The following CAMK4 variants were observed in gnomAD, a reference collection of about 807,000 sequenced individuals.
CAMK4 encodes calcium/calmodulin-dependent protein kinase type IV.
A neutral mutation model predicts 44.9 loss-of-function variants in CAMK4; 22 were observed. The observed-to-expected ratio is 0.49, with a 90% CI of 0.35 to 0.70. The LOEUF is 0.70. CAMK4 is among the 30% of genes least tolerant of loss of function. The probability of loss-of-function intolerance (pLI) is 0.01; values close to 1 mark genes in which losing one functional copy is unlikely to be tolerated. For synonymous variants in CAMK4, 218 were observed against 215.4 expected, an observed-to-expected ratio of 1.01 and a Z score of -0.11; for missense variants, 498 against 586.8, an observed-to-expected ratio of 0.85 and a Z score of 1.56.
intron 5 of CAMK4, among the ~76,000 whole-genome samples, chr5:111,407,270 G>C (rs1405977737): frequency 2.0e-5 from 3 of 151,512 alleles, no homozygotes; most frequent in Non-Finnish European, 4.4e-5. Flanking sequence ...AGAATCGCTT[G>C]AACCTGGGAG....
rs547035520 is a variant in CAMK4, at chr5:111,341,577, T to TA, written c.162-2446dup. Among the ~76,000 whole-genome samples, 38 of 151,314 alleles carry TA rather than the reference T, an allele frequency of 2.5e-4. No individual in the cohort carries two copies. In the East Asian group the frequency reaches 6.6e-3, roughly 26 times the overall value. The stretch of plus-strand genomic sequence containing the variant: ...AGTAAATATAAAAATAAAATTACAC[T>TA]AGGAATACACCAAGAATTACATGAA... On this transcript the variant is annotated intron_variant, in intron 1 of 10. Coordinates refer to ENST00000282356, the MANE Select transcript of CAMK4 (RefSeq NM_001744.6).
intron 7 of CAMK4, among the ~76,000 whole-genome samples, chr5:111,468,684 A>C (rs1002014433): frequency 6.6e-6 from 1 of 152,156 alleles, no homozygotes; most frequent in Non-Finnish European, 1.5e-5. Flanking sequence ...ATTAACTAGT[A>C]ATTTAAAATA....
intron 5 of CAMK4, among the ~76,000 whole-genome samples, chr5:111,431,312 A>G (rs1753433070): frequency 6.6e-6 from 1 of 152,200 alleles, no homozygotes; most frequent in Non-Finnish European, 1.5e-5. Flanking sequence ...ATCCATATGC[A>G]AAAGAATGAA....
chr5:111,471,207 C>T (rs185417917), intron 7 of CAMK4, among the ~76,000 whole-genome samples: 2 of 151,906 alleles, frequency 1.3e-5, no homozygotes, highest in East Asian at 1.9e-4. Flanking sequence ...TGTCACCCAT[C>T]GAGTGAAAAC....
At chr5:111,474,337 CAG>C (rs1561510232) in intron 8 of CAMK4, among the ~76,000 whole-genome samples, 3 of 152,148 alleles carry the variant, frequency 2.0e-5, no homozygotes, top group African/African-American at 7.2e-5. Flanking sequence ...AGTCCAAGAC[CAG>C]AGTGTCAGCA....
At chr5:111,448,825 CAAGA>C (rs1267258955) in intron 6 of CAMK4, among the ~76,000 whole-genome samples, 1 of 151,924 alleles carries the variant, frequency 6.6e-6, no homozygotes, top group Non-Finnish European at 1.5e-5. Flanking sequence ...CAAACAAAAA[CAAGA>C]AAGAAAGAAA....
At chr5:111,401,897 C>T (rs1408071176) in intron 5 of CAMK4, among the ~76,000 whole-genome samples, 1 of 152,134 alleles carries the variant, frequency 6.6e-6, no homozygotes, top group Admixed American at 6.5e-5. Context: ...GTGGCTCGGA[C>T]CTCAGAGGAA....
intron 1 of CAMK4, among the ~76,000 whole-genome samples, chr5:111,301,850 T>A (rs1364993702): frequency 6.6e-6 from 1 of 152,246 alleles, no homozygotes; most frequent in African/African-American, 2.4e-5. Flanking sequence ...TTTTGCATAC[T>A]TACTCTTCGG....
intron 1 of CAMK4, among the ~76,000 whole-genome samples, chr5:111,296,855 A>G (rs1580545714): frequency 1.3e-5 from 2 of 152,346 alleles, no homozygotes; most frequent in East Asian, 1.9e-4. Context: ...ATAATACCCA[A>G]TTGATTATGG....
intron 1 of CAMK4, among the ~76,000 whole-genome samples, chr5:111,259,600 C>A (rs770600686): frequency 1.3e-5 from 2 of 152,144 alleles, no homozygotes; most frequent in Non-Finnish European, 2.9e-5. Flanking sequence ...CAGGCAATAA[C>A]GGTGACCCCA....
intron 1 of CAMK4, among the ~76,000 whole-genome samples, chr5:111,318,729 A>G (rs769833372): frequency 6.6e-5 from 10 of 152,182 alleles, no homozygotes; most frequent in Non-Finnish European, 1.5e-4. Context: ...TAAAGACAGA[A>G]TTGGCTATGA....
chr5:111,419,129 G>A (rs541903005), intron 5 of CAMK4, among the ~76,000 whole-genome samples: 256 of 152,160 alleles, frequency 1.7e-3, no homozygotes, highest in African/African-American at 2.3e-3. Flanking sequence ...TTTAATGATC[G>A]CCATTCTAAC....
intron 1 of CAMK4, among the ~76,000 whole-genome samples, chr5:111,252,047 C>T (rs189610779): frequency 2.6e-5 from 4 of 152,186 alleles, no homozygotes; most frequent in African/African-American, 9.7e-5. Context: ...GTTAGCATAA[C>T]AGAAAGCATC....
In CAMK4 at chr5:111,332,201, G is replaced by A. The variant is rs186347120; in HGVS notation, c.162-11823G>A. ...CCCATTAACTCGTCATTTAGCATTA[G>A]GTATATCTCCTAATGCTATCCCTCC... On this transcript the variant is annotated intron_variant, in intron 1 of 10. Coordinates refer to ENST00000282356, the MANE Select transcript of CAMK4 (RefSeq NM_001744.6). 8.3e-4 allele frequency among the ~76,000 whole-genome samples: 125 copies of A among 149,838 alleles called. 3 individuals are homozygous for A. The East Asian group carries it at 0.023, about 27-fold the overall frequency.
chr5:111,279,726 G>T (rs1454106060), intron 1 of CAMK4, among the ~76,000 whole-genome samples: 1 of 152,180 alleles, frequency 6.6e-6, no homozygotes, highest in African/African-American at 2.4e-5. Flanking sequence ...GTGTGTGTAT[G>T]TGTGTATGTG....
intron 1 of CAMK4, among the ~76,000 whole-genome samples, chr5:111,318,942 A>G (rs1748546596): frequency 6.6e-6 from 1 of 152,182 alleles, no homozygotes; most frequent in African/African-American, 2.4e-5. Context: ...TTATAACAAT[A>G]TTCTTCTCTC....
chr5:111,453,951 A>G (rs1754324895), intron 7 of CAMK4, among the ~76,000 whole-genome samples: 1 of 151,888 alleles, frequency 6.6e-6, no homozygotes, highest in Non-Finnish European at 1.5e-5. Flanking sequence ...TGGATGAGGT[A>G]TGGCACTGGA....
intron 7 of CAMK4, among the ~76,000 whole-genome samples, chr5:111,467,297 A>G (rs1247804197): frequency 6.6e-6 from 1 of 151,524 alleles, no homozygotes; most frequent in Non-Finnish European, 1.5e-5. Flanking sequence ...ATGACCAAGA[A>G]CCCAAAAGCA....
In CAMK4 at chr5:111,486,542, C is replaced by CACACACACACACACATAT. The variant is rs139004418; in HGVS notation, c.*2076_*2077insACACACACACACACATAT. ...ACACACACACACACACACACACACA[C>CACACACACACACACATAT]GTGTTGGAAGAGCAAAGAGAGGGAA... On this transcript the variant is annotated 3_prime_UTR_variant, in exon 11 of 11. Coordinates refer to ENST00000282356, the MANE Select transcript of CAMK4 (RefSeq NM_001744.6). 9.3e-4 allele frequency: 137 copies of CACACACACACACACATAT among 147,350 alleles called. No individual in the cohort carries two copies. Among genetic ancestry groups the CACACACACACACACATAT allele is most frequent in the African/African-American group, 3.2e-3 (127 of 39,876 alleles). The allele number at this position is 147,350 out of a possible 1,614,324, so 9.1% of individuals were successfully genotyped here. A position where few individuals can be genotyped will look rare whatever the true frequency, so the allele number is the denominator to read the frequency against.
Sources: gnomAD v4.1 joint callset for allele counts (sites outside exome capture counted in the v4.1 genomes callset) on GRCh38, gnomAD v4.1.1 for gene constraint, MANE v1.5 for transcripts, NCBI Gene and HGNC (gene_info 2026-07-23, HGNC 2026-07-21) for gene names.